The following MARK4 variants were observed in gnomAD, a reference collection of about 807,000 sequenced individuals.
MARK4 encodes microtubule affinity regulating kinase 4, also known as MAP/microtubule affinity-regulating kinase 4.
Under a neutral mutation model 81.5 loss-of-function variants are expected in MARK4, and 19 were observed. That is an observed-to-expected ratio of 0.23 (90% CI 0.16 to 0.34). The LOEUF (loss-of-function observed/expected upper bound fraction) is 0.34, where lower values mean the gene tolerates loss of function less well. Ranked by LOEUF, MARK4 falls within the 10% of genes least tolerant of loss-of-function variation. The probability of loss-of-function intolerance (pLI) is 1.00; values close to 1 mark genes in which losing one functional copy is unlikely to be tolerated. For synonymous variants in MARK4, 436 were observed against 439.0 expected, an observed-to-expected ratio of 0.99 and a Z score of 0.08; for missense variants, 772 against 1,058.8, an observed-to-expected ratio of 0.73 and a Z score of 3.76.
chr19:45,255,152 T>C (rs1970291097), intron 1 of MARK4, among the ~76,000 whole-genome samples: 1 of 151,766 alleles, frequency 6.6e-6, no homozygotes, highest in Admixed American at 6.6e-5. Context: ...CCAGTGAGCC[T>C]TGATTACACC....
rs748630333 is a variant in MARK4, at chr19:45,294,429, G to A, written c.1575G>A (p.Leu525=). 23 of 1,613,982 alleles carry A rather than the reference G, an allele frequency of 1.4e-5. No individual in the cohort carries two copies. The highest frequency in any genetic ancestry group is 1.0e-4 in the Admixed American group (6 of 60,002). Residue 525 remains leucine, a synonymous_variant, in exon 14 of 17, where the codon CTG becomes CTA. Coordinates refer to ENST00000262891, the MANE Select transcript of MARK4 (RefSeq NM_001199867.2). ...GCCCGGGGGCTGAGCGCCCGTCACTGTTGCCAAATGGGAAAGAAAACAGGT... is the reference window on the plus strand; with the variant it reads ...GCCCGGGGGCTGAGCGCCCGTCACTATTGCCAAATGGGAAAGAAAACAGGT... ...TERPGAERPS[L]LPNGKENSSG... is the part of the protein sequence containing the mutation.
chr19:45,265,046 T>C (rs976666797), intron 6 of MARK4, 136 bp downstream of exon 6: 14 of 792,620 alleles, frequency 1.8e-5, no homozygotes, highest in Middle Eastern at 6.7e-4. Flanking sequence ...GGTGCAGAGC[T>C]GGGTGTGCTG....
chr19:45,260,117 C>T (rs942754734), intron 2 of MARK4, among the ~76,000 whole-genome samples: 2 of 150,864 alleles, frequency 1.3e-5, no homozygotes, highest in South Asian at 2.1e-4. Context: ...AGGCCGTGCG[C>T]GGTGGCTCAC....
At chr19:45,291,209 A>G (rs1011784659) in intron 13 of MARK4, among the ~76,000 whole-genome samples, 2 of 152,206 alleles carry the variant, frequency 1.3e-5, no homozygotes, top group Non-Finnish European at 2.9e-5. Context: ...TGGTTAAAGA[A>G]AAAAGAAAAC....
chr19:45,273,976 G>A (rs1046425198), intron 8 of MARK4, among the ~76,000 whole-genome samples: 11 of 152,292 alleles, frequency 7.2e-5, no homozygotes, highest in Non-Finnish European at 1.0e-4. Context: ...TGGGCCGGGC[G>A]TGGTGGCTCA....
chr19:45,265,675 G>A (rs952581595), intron 6 of MARK4, among the ~76,000 whole-genome samples: 1 of 151,180 alleles, frequency 6.6e-6, no homozygotes, highest in African/African-American at 2.4e-5. Context: ...CAGGTGTGGG[G>A]TAAGAGGAGT....
At chr19:45,266,381 C>T in intron 7 of MARK4, 100 bp downstream of exon 7, 2 of 1,129,464 alleles carry the variant, frequency 1.8e-6, no homozygotes, top group Non-Finnish European at 2.7e-6. Flanking sequence ...CCAGCAAATT[C>T]CTCCAGCCCT....
intron 14 of MARK4, among the ~76,000 whole-genome samples, chr19:45,294,797 C>T (rs1970865251): frequency 6.6e-6 from 1 of 152,046 alleles, no homozygotes; most frequent in African/African-American, 2.4e-5. Context: ...GGCTTGTTGG[C>T]CTGAGTCTGT....
intron 8 of MARK4, among the ~76,000 whole-genome samples, chr19:45,276,030 TG>T (rs1454533469): frequency 6.6e-6 from 1 of 152,044 alleles, no homozygotes; most frequent in African/African-American, 2.4e-5. Flanking sequence ...TCGTTTTTTT[TG>T]TTGTCTGTTT....
Position 45,305,217 on chromosome 19 carries a change from C to T in MARK4, c.*2507C>T, listed in dbSNP as rs977221052. On this transcript the variant is annotated 3_prime_UTR_variant, in exon 17 of 17. Transcript: ENST00000262891. ...GAAGGTCCCCACTGGCGTGTGTGGT[C>T]TATGTAGCCTCTGGGTGTGGAGCTG... 1 of 152,370 alleles carries T rather than the reference C, an allele frequency of 6.6e-6. No individual in the cohort carries two copies. Among genetic ancestry groups the T allele is most frequent in the East Asian group, 1.9e-4 (1 of 5,208 alleles). 9.4% of individuals were successfully genotyped at this position (152,370 alleles called of 1,614,324 possible).
intron 2 of MARK4, 96 bp from the exon 3 acceptor site, chr19:45,263,017 G>A (rs1970399509): frequency 2.1e-6 from 3 of 1,415,796 alleles, no homozygotes; most frequent in Middle Eastern, 1.7e-4. Context: ...CTCCCGCCTT[G>A]GTCTTCCCAA....
At position 45,251,535 on chromosome 19, in the gene MARK4, T is replaced by G; in HGVS notation, c.-54T>G. 1.7e-6 allele frequency: 1 copy of G among 600,966 alleles called. No homozygotes were observed. The highest frequency in any genetic ancestry group is 2.5e-6 in the Non-Finnish European group (1 of 394,596). The allele number at this position is 600,966 out of a possible 1,614,324, so 37.2% of individuals were successfully genotyped here. A position where few individuals can be genotyped will look rare whatever the true frequency, so the allele number is the denominator to read the frequency against. Reference sequence around the variant, plus strand: ...GGGGGGAGGGGAAGAGAGGGGACCCTGGGACCCCCGCCCCCCCCACCCGGC... The same window carrying G: ...GGGGGGAGGGGAAGAGAGGGGACCCGGGGACCCCCGCCCCCCCCACCCGGC... On this transcript the variant is annotated 5_prime_UTR_variant, in exon 1 of 17. Coordinates refer to ENST00000262891, the MANE Select transcript of MARK4 (RefSeq NM_001199867.2).
chr19:45,302,352 C>G lies in MARK4; in HGVS notation c.1923-22C>G. 6.2e-7 allele frequency: 1 copy of G among 1,614,010 alleles called. No homozygotes were observed. On this transcript the variant is annotated intron_variant, in intron 16 of 16. Coordinates refer to ENST00000262891, the MANE Select transcript of MARK4 (RefSeq NM_001199867.2). This position sits in a 1 kb window ranked among gnomAD's most constrained non-coding sequence, Gnocchi z 4.9. ...ATTCCTCTTCGCTCCCATCTCTGAC[C>G]CCTGACATCTTCTCGCCTCAGTTGC...
intron 7 of MARK4, among the ~76,000 whole-genome samples, chr19:45,268,274 TCTA>T (rs1970480850): frequency 6.6e-6 from 1 of 151,574 alleles, no homozygotes. Flanking sequence ...AGACCTGATC[TCTA>T]CAAAAAATAA....
intron 9 of MARK4, among the ~76,000 whole-genome samples, 195 bp downstream of exon 9, chr19:45,278,237 G>A (rs1008229690): frequency 2.0e-5 from 3 of 152,024 alleles, no homozygotes; most frequent in Non-Finnish European, 4.4e-5. Context: ...CCACCCCCCC[G>A]ACAGGCTCAC....
rs1970911212 is a variant in MARK4 at position 45,297,951 on chromosome 19, G to A, written c.1874G>A (p.Arg625Gln). The A allele has an allele frequency of 1.2e-5, 19 of 1,538,870 alleles. No homozygotes were observed. Among genetic ancestry groups the A allele is most frequent in the Non-Finnish European group, 1.5e-5 (17 of 1,140,556 alleles). ...LFTKLTSKLT[R>Q]RVADEPERIG... ...ACCAAGCTGACCTCCAAACTGACCC[G>A]AAGGTGAGCTCCGCGGGGATGGCAG... is the stretch of plus-strand genomic sequence containing the variant. Residue 625 changes from arginine (R) to glutamine (Q), a missense_variant, in exon 15 of 17, where the codon CGA becomes CAA. Transcript: ENST00000262891.
At chr19:45,266,363 C>T (rs1330522910) in intron 7 of MARK4, 82 bp downstream of exon 7, 11 of 1,378,928 alleles carry the variant, frequency 8.0e-6, no homozygotes, top group Admixed American at 6.8e-5. Flanking sequence ...CCATGGTTTC[C>T]GTGGCCTCCA....
chr19:45,264,162 A>C (rs1442843612), intron 4 of MARK4, among the ~76,000 whole-genome samples: 1 of 152,132 alleles, frequency 6.6e-6, no homozygotes, highest in East Asian at 1.9e-4. Flanking sequence ...AGACAACAAG[A>C]CACAAATCTC....
intron 13 of MARK4, 64 bp downstream of exon 13, chr19:45,287,728 GC>G: frequency 6.5e-7 from 1 of 1,531,854 alleles, no homozygotes; most frequent in East Asian, 2.4e-5. Context: ...CTCAGGCCCT[GC>G]CTTCATCTCA....
Sources: gnomAD v4.1 joint callset for allele counts (sites outside exome capture counted in the v4.1 genomes callset) on GRCh38, gnomAD v4.1.1 for gene constraint, Gnocchi (gnomAD v3.1) non-coding constraint, MANE v1.5 for transcripts, NCBI Gene and HGNC (gene_info 2026-07-23, HGNC 2026-07-21) for gene names.